ANKRD55: variants seen among roughly 807,000 people sequenced by gnomAD.
ANKRD55 encodes the protein ankyrin repeat domain 55.
Under a neutral mutation model 60.6 loss-of-function variants are expected in ANKRD55, and 41 were observed. The ratio of observed to expected loss-of-function variants is 0.68; its 90% CI spans 0.53 to 0.88. ANKRD55 has a LOEUF of 0.88. ANKRD55 is among the 40% of genes least tolerant of loss of function. The probability of loss-of-function intolerance (pLI) is 0.00; values close to 1 mark genes in which losing one functional copy is unlikely to be tolerated. For synonymous variants in ANKRD55, 264 were observed against 290.3 expected, an observed-to-expected ratio of 0.91 and a Z score of 0.92; for missense variants, 732 against 767.6, an observed-to-expected ratio of 0.95 and a Z score of 0.55.
At chr5:56,117,890 T>C (rs866706477) in intron 8 of ANKRD55, among the ~76,000 whole-genome samples, 4 of 152,262 alleles carry the variant, frequency 2.6e-5, no homozygotes, top group South Asian at 2.1e-4. Flanking sequence ...CGCCTGTAAT[T>C]CTGGCACTTT....
chr5:56,143,841 A>C lies in ANKRD55; in HGVS notation c.572T>G (p.Val191Gly). The change falls in exon 7 of 12, where the codon GTG becomes GGG. Residue 191 changes from valine (V) to glycine (G), a missense_variant. By Grantham distance (109) the Val-to-Gly change is moderately radical (BLOSUM62 -3). Transcript: ENST00000341048. ...LLKKGADPTL[V>G]DKDFKTALHW... ...GAGAGCGGTTTTAAAGTCTTTATCC[A>C]CAAGGGTGGGGTCTGCCCCCTTCTT... 1 of 1,614,186 alleles carries C rather than the reference A, an allele frequency of 6.2e-7. No individual in the cohort carries two copies. Among genetic ancestry groups the C allele is most frequent in the African/African-American group, 1.3e-5 (1 of 75,054 alleles).
rs1321079697 is a variant in ANKRD55, at chr5:56,133,543, A to G, written c.613-6437T>C. ...TTTAACAAGCTCACATGGGACCTTCACCGAGATAGACTACAGTCTGGGCCA... is the reference window on the plus strand; with the variant it reads ...TTTAACAAGCTCACATGGGACCTTCGCCGAGATAGACTACAGTCTGGGCCA... On this transcript the variant is annotated intron_variant, in intron 7 of 11. Transcript: ENST00000341048. Among the ~76,000 whole-genome samples the G allele has an allele frequency of 1.8e-5, 2 of 111,708 alleles. 1 individual carries two copies. The highest frequency in any genetic ancestry group is 4.2e-5 in the Non-Finnish European group (2 of 47,688). The allele number at this position is 111,708 out of a possible 152,430, so 73.3% of individuals were successfully genotyped here.
At chr5:56,211,550 G>T (rs1376389867) in intron 2 of ANKRD55, among the ~76,000 whole-genome samples, 1 of 152,178 alleles carries the variant, frequency 6.6e-6, no homozygotes, top group African/African-American at 2.4e-5. Flanking sequence ...AGCCTGTCAG[G>T]CCTTGGATCC....
chr5:56,201,522 A>G (rs1456118708), intron 2 of ANKRD55, among the ~76,000 whole-genome samples: 2 of 152,332 alleles, frequency 1.3e-5, no homozygotes, highest in African/African-American at 2.4e-5. Flanking sequence ...CCTCACCTCT[A>G]GAGTCTGATT....
intron 2 of ANKRD55, among the ~76,000 whole-genome samples, chr5:56,190,616 T>C (rs762312730): frequency 1.1e-4 from 17 of 152,164 alleles, no homozygotes; most frequent in Non-Finnish European, 1.6e-4. Context: ...TATAACACAA[T>C]ACTATAGACT....
At chr5:56,182,894 C>T (rs1210462848) in intron 3 of ANKRD55, among the ~76,000 whole-genome samples, 1 of 152,204 alleles carries the variant, frequency 6.6e-6, no homozygotes, top group African/African-American at 2.4e-5. Context: ...TTCTGTCTTT[C>T]TAGGCTGTTT....
At chr5:56,132,876 T>C (rs1402342127) in intron 7 of ANKRD55, among the ~76,000 whole-genome samples, 1 of 151,994 alleles carries the variant, frequency 6.6e-6, no homozygotes, top group African/African-American at 2.4e-5. Flanking sequence ...CTATATATTA[T>C]AATTCTAGAC....
intron 6 of ANKRD55, among the ~76,000 whole-genome samples, chr5:56,159,033 AG>A (rs765287847): frequency 2.6e-5 from 4 of 151,176 alleles, no homozygotes; most frequent in East Asian, 1.9e-4. Flanking sequence ...TTCTTCAGAG[AG>A]GGGGGTCTCA....
chr5:56,151,646 C>A (rs1389074088), intron 6 of ANKRD55, among the ~76,000 whole-genome samples: 1 of 151,850 alleles, frequency 6.6e-6, no homozygotes, highest in Non-Finnish European at 1.5e-5. Context: ...AACCCCATCT[C>A]CACAAAAAAT....
chr5:56,222,619 G>A (rs772107977), intron 2 of ANKRD55, among the ~76,000 whole-genome samples: 39 of 130,726 alleles, frequency 3.0e-4, no homozygotes, highest in Non-Finnish European at 5.1e-4. Flanking sequence ...AAGATTGGAC[G>A]AATGGCTAAC....
intron 3 of ANKRD55, among the ~76,000 whole-genome samples, chr5:56,178,629 A>AATACGG (rs1474049587): frequency 6.6e-6 from 1 of 152,202 alleles, no homozygotes; most frequent in Non-Finnish European, 1.5e-5. Context: ...CAACAACAAA[A>AATACGG]ATACGGTACT....
intron 2 of ANKRD55, among the ~76,000 whole-genome samples, chr5:56,210,213 T>A (rs1759628830): frequency 1.3e-5 from 2 of 152,266 alleles, no homozygotes; most frequent in African/African-American, 4.8e-5. Context: ...GAAGTATTTT[T>A]ATGTTTATGT....
At chr5:56,165,058 G>A (rs900666323) in intron 5 of ANKRD55, among the ~76,000 whole-genome samples, 3 of 152,146 alleles carry the variant, frequency 2.0e-5, no homozygotes, top group Non-Finnish European at 2.9e-5. Context: ...TCGGTTTGAG[G>A]CTTCTCTCTG....
chr5:56,141,223 C>T (rs994017701), intron 7 of ANKRD55, among the ~76,000 whole-genome samples: 6 of 149,404 alleles, frequency 4.0e-5, no homozygotes, highest in Admixed American at 1.4e-4. Flanking sequence ...CCTCCTGCCT[C>T]GGATTCCCAA....
chr5:56,232,480 C>A (rs1327836054), intron 2 of ANKRD55, among the ~76,000 whole-genome samples: 1 of 152,022 alleles, frequency 6.6e-6, no homozygotes, highest in East Asian at 1.9e-4. Context: ...ACATTGCTTA[C>A]CCTAATTTTT....
intron 3 of ANKRD55, among the ~76,000 whole-genome samples, chr5:56,183,266 A>G (rs1192228987): frequency 6.6e-6 from 1 of 152,222 alleles, no homozygotes; most frequent in Non-Finnish European, 1.5e-5. Context: ...TGCTACCAAA[A>G]GTAGCCTGCT....
chr5:56,180,608 G>A (rs1758830637), intron 3 of ANKRD55, among the ~76,000 whole-genome samples: 1 of 152,128 alleles, frequency 6.6e-6, no homozygotes, highest in East Asian at 1.9e-4. Context: ...CATTTATTAA[G>A]ATCTTTGATT....
At chr5:56,187,917 G>A (rs577736475) in intron 2 of ANKRD55, among the ~76,000 whole-genome samples, 2 of 152,206 alleles carry the variant, frequency 1.3e-5, no homozygotes, top group East Asian at 3.9e-4. Context: ...AAGGACCCCC[G>A]GTAACAATAT....
At chr5:56,193,551 T>C in intron 2 of ANKRD55, 1 of 391,112 alleles carries the variant, frequency 2.6e-6, no homozygotes, top group South Asian at 3.2e-5. Context: ...TATACAGATA[T>C]CAAGCTACCT....
Sources: gnomAD v4.1 joint callset for allele counts (sites outside exome capture counted in the v4.1 genomes callset) on GRCh38, gnomAD v4.1.1 for gene constraint, MANE v1.5 for transcripts, NCBI Gene and HGNC (gene_info 2026-07-23, HGNC 2026-07-21) for gene names.